VWC2: variants seen among roughly 807,000 people sequenced by gnomAD.
VWC2 encodes brorin.
Under a neutral mutation model 29.8 loss-of-function variants are expected in VWC2, and 14 were observed. The ratio of observed to expected loss-of-function variants is 0.47; its 90% CI spans 0.31 to 0.74. VWC2 has a LOEUF of 0.74. Among genes scored for constraint, VWC2 ranks in the 30% least tolerant of loss-of-function variants. The probability of loss-of-function intolerance (pLI) is 0.05; values close to 1 mark genes in which losing one functional copy is unlikely to be tolerated. For missense variants in VWC2, 457 were observed against 459.8 expected (o/e 0.99, Z 0.05); for synonymous variants, 213 against 199.0 (o/e 1.07, Z -0.59).
chr7:49,794,959 C>T (rs367939727), intron 2 of VWC2, among the ~76,000 whole-genome samples: 1 of 152,198 alleles, frequency 6.6e-6, no homozygotes, highest in African/African-American at 2.4e-5. Flanking sequence ...GCTCAGTTAG[C>T]GCTCAACATT....
At chr7:49,827,513 C>G (rs532457415) in intron 3 of VWC2, among the ~76,000 whole-genome samples, 19 of 152,040 alleles carry the variant, frequency 1.2e-4, no homozygotes, top group Non-Finnish European at 2.4e-4. Context: ...TTTGTTGTCT[C>G]TTTTTATTTT....
chr7:49,825,793 T>C (rs902705100), intron 3 of VWC2, among the ~76,000 whole-genome samples: 1 of 152,210 alleles, frequency 6.6e-6, no homozygotes, highest in African/African-American at 2.4e-5. Context: ...TGCACTTTTG[T>C]CCTTTAATGA....
At position 49,775,626 on chromosome 7, in the gene VWC2, G is replaced by C; in HGVS notation, c.191G>C (p.Arg64Pro). The C allele has an allele frequency of 6.5e-7, 1 of 1,529,824 alleles. No individual in the cohort carries two copies. Among genetic ancestry groups the C allele is most frequent in the South Asian group, 1.2e-5 (1 of 82,322 alleles). 94.8% of individuals were successfully genotyped at this position (1,529,824 alleles called of 1,614,324 possible). A position where few individuals can be genotyped will look rare whatever the true frequency, so the allele number is the denominator to read the frequency against. The change falls in exon 2 of 4, where the codon CGC becomes CCC. Residue 64 changes from arginine (R) to proline (P), a missense_variant. Physicochemically the swap from Arg to Pro is moderately radical, Grantham distance 103 (BLOSUM62 -2). This residue lies in a region of VWC2 where 272 missense variants were observed against 202.7 expected (regional missense o/e 1.34). Coordinates refer to ENST00000340652, the MANE Select transcript of VWC2 (RefSeq NM_198570.5). ...CCGGGGCGGGTGAACGAGCTCGGGC[G>C]CCCGGCGAGGGACGAGGGCGGCAGC... ...DGPGRVNELG[R>P]PARDEGGSGR... is the part of the protein sequence containing the mutation.
intron 3 of VWC2, among the ~76,000 whole-genome samples, chr7:49,883,175 G>C (rs920218348): frequency 6.6e-6 from 1 of 152,038 alleles, no homozygotes; most frequent in African/African-American, 2.4e-5. Context: ...ATGCAGGTTT[G>C]AGCTTGAGGA....
chr7:49,841,872 C>CTT (rs913175318), intron 3 of VWC2, among the ~76,000 whole-genome samples: 2 of 146,748 alleles, frequency 1.4e-5, no homozygotes, highest in African/African-American at 5.0e-5. Flanking sequence ...AAATTCAACT[C>CTT]TTTTTTTTTT....
intron 2 of VWC2, among the ~76,000 whole-genome samples, chr7:49,784,221 A>G (rs1583623227): frequency 1.3e-5 from 2 of 152,346 alleles, no homozygotes; most frequent in East Asian, 3.9e-4. Context: ...AATAATGTAC[A>G]CTGCATCCAA....
At chr7:49,877,243 C>A (rs1270039841) in intron 3 of VWC2, among the ~76,000 whole-genome samples, 1 of 151,448 alleles carries the variant, frequency 6.6e-6, no homozygotes, top group African/African-American at 2.4e-5. Context: ...AGGTCGATCA[C>A]CTGAGGTCAG....
intron 3 of VWC2, among the ~76,000 whole-genome samples, chr7:49,903,586 G>A (rs1792897004): frequency 6.6e-6 from 1 of 152,214 alleles, no homozygotes; most frequent in Non-Finnish European, 1.5e-5. Context: ...GGTTAAAGAT[G>A]GTGGGGCCAG....
intron 3 of VWC2, among the ~76,000 whole-genome samples, chr7:49,846,832 C>T (rs1381767622): frequency 6.6e-6 from 1 of 152,154 alleles, no homozygotes; most frequent in Admixed American, 6.5e-5. Context: ...CATTTGACAG[C>T]CAGAGAAGTA....
intron 3 of VWC2, among the ~76,000 whole-genome samples, chr7:49,832,562 G>A (rs921787773): frequency 6.6e-6 from 1 of 152,110 alleles, no homozygotes; most frequent in Non-Finnish European, 1.5e-5. Flanking sequence ...AAAACAGAGG[G>A]AACTTCCTTA....
chr7:49,805,097 A>C (rs1300530057), intron 3 of VWC2, among the ~76,000 whole-genome samples: 1 of 152,226 alleles, frequency 6.6e-6, no homozygotes, highest in Admixed American at 6.5e-5. Flanking sequence ...AGATATAGTT[A>C]TATTTTTGAG....
At chr7:49,835,126 C>T (rs113876870) in intron 3 of VWC2, among the ~76,000 whole-genome samples, 2 of 152,214 alleles carry the variant, frequency 1.3e-5, no homozygotes, top group South Asian at 2.1e-4. Context: ...TGGTTTATAG[C>T]GGTAACATTG....
At chr7:49,835,489 A>G (rs691211) in intron 3 of VWC2, among the ~76,000 whole-genome samples, 136,259 of 152,234 alleles carry the variant, frequency 0.9, 61,246 homozygotes, top group East Asian at 0.94. Flanking sequence ...AGGGCAAGAC[A>G]GATTGTATTC....
At chr7:49,809,075 A>AAT (rs1172974937) in intron 3 of VWC2, among the ~76,000 whole-genome samples, 1 of 152,036 alleles carries the variant, frequency 6.6e-6, no homozygotes, top group Non-Finnish European at 1.5e-5. Flanking sequence ...GGAAAAAGTA[A>AAT]ATAAAACCAA....
At chr7:49,815,212 G>T (rs1789108342) in intron 3 of VWC2, among the ~76,000 whole-genome samples, 2 of 152,150 alleles carry the variant, frequency 1.3e-5, no homozygotes, top group African/African-American at 2.4e-5. Context: ...CTAGAGGTGA[G>T]GTAGCCTTGT....
At chr7:49,775,297 CCG>C in intron 1 of VWC2, 34 bp from the exon 2 acceptor site, 1 of 494,438 alleles carries the variant, frequency 2.0e-6, no homozygotes, top group Non-Finnish European at 3.0e-6. Context: ...CGCGCGCGGG[CCG>C]CGGGGCTCAG....
intron 3 of VWC2, among the ~76,000 whole-genome samples, chr7:49,839,381 G>A (rs1789741885): frequency 6.6e-6 from 1 of 152,142 alleles, no homozygotes; most frequent in African/African-American, 2.4e-5. Flanking sequence ...TAATTTATAT[G>A]CTCGTTTAAA....
At chr7:49,798,945 G>T (rs1238282826) in intron 2 of VWC2, among the ~76,000 whole-genome samples, 1 of 152,202 alleles carries the variant, frequency 6.6e-6, no homozygotes, top group Non-Finnish European at 1.5e-5. Context: ...GGCCACGTTT[G>T]AGCTGGATCC....
At chr7:49,901,482 T>A (rs941377305) in intron 3 of VWC2, among the ~76,000 whole-genome samples, 1 of 151,724 alleles carries the variant, frequency 6.6e-6, no homozygotes, top group Non-Finnish European at 1.5e-5. Context: ...AAGAAATACT[T>A]AGGTATAAAA....
Sources: allele counts gnomAD v4.1 joint callset (sites outside exome capture counted in the v4.1 genomes callset), GRCh38; gene constraint gnomAD v4.1.1; regional missense constraint gnomAD v4.1.1; transcripts MANE v1.5; gene names NCBI Gene and HGNC (gene_info 2026-07-23, HGNC 2026-07-21).